The following PCNX1 variants were observed in gnomAD, a reference collection of about 807,000 sequenced individuals.
PCNX1 encodes the protein pecanex 1.
In PCNX1, 78 loss-of-function variants were observed where a neutral mutation model predicts 242.2. That is an observed-to-expected ratio of 0.32 (90% CI 0.27 to 0.39). PCNX1 has a LOEUF of 0.39. Ranked by LOEUF, PCNX1 falls within the 10% of genes least tolerant of loss-of-function variation. PCNX1 has a pLI of 1.00. For synonymous variants in PCNX1, 1,024 were observed against 1,032.9 expected (o/e 0.99, Z 0.17); for missense variants, 2,581 against 2,856.5 (o/e 0.90, Z 2.20).
rs1240578676 is a variant in PCNX1 at position 71,011,346 on chromosome 14, G to A, written c.2721-146G>A. On this transcript the variant is annotated intron_variant, in intron 9 of 35. Coordinates refer to ENST00000304743, the MANE Select transcript of PCNX1 (RefSeq NM_014982.3). ...ATGTAGTCACTGACCCAGAGTCTATGTGCTTATCACAACTCTAGGAAAATG... is the reference window on the plus strand; with the variant it reads ...ATGTAGTCACTGACCCAGAGTCTATATGCTTATCACAACTCTAGGAAAATG... The A allele has an allele frequency of 4.7e-6, 3 of 645,088 alleles. No homozygotes were observed. The South Asian group carries it at 5.3e-5, about 11-fold the overall frequency. 40.0% of individuals were successfully genotyped at this position (645,088 alleles called of 1,614,324 possible).
intron 19 of PCNX1, among the ~76,000 whole-genome samples, chr14:71,039,344 A>G (rs532584268): frequency 6.6e-6 from 1 of 152,304 alleles, no homozygotes; most frequent in African/African-American, 2.4e-5. Context: ...CATGATGCTA[A>G]AATCATCTGA....
At chr14:71,015,235 A>T (rs1335394360) in intron 11 of PCNX1, among the ~76,000 whole-genome samples, 1 of 152,250 alleles carries the variant, frequency 6.6e-6, no homozygotes, top group Non-Finnish European at 1.5e-5. Context: ...GTGATCTCAG[A>T]TGGAAATATA....
At chr14:70,951,626 C>T (rs192129884) in intron 2 of PCNX1, among the ~76,000 whole-genome samples, 9 of 152,222 alleles carry the variant, frequency 5.9e-5, no homozygotes, top group Admixed American at 1.3e-4. Context: ...CTGCCTGCCT[C>T]GGTCTCCTGA....
intron 6 of PCNX1, among the ~76,000 whole-genome samples, chr14:70,982,569 T>A (rs2140175525): frequency 6.6e-6 from 1 of 152,352 alleles, no homozygotes; most frequent in African/African-American, 2.4e-5. Context: ...AGATGTTCTT[T>A]ACTGTGAAAA....
chr14:70,951,914 A>G (rs1311330214), intron 2 of PCNX1, among the ~76,000 whole-genome samples: 1 of 152,100 alleles, frequency 6.6e-6, no homozygotes, highest in East Asian at 1.9e-4. Context: ...CATTTTTTAA[A>G]TGGTTTCTGT....
intron 26 of PCNX1, among the ~76,000 whole-genome samples, chr14:71,065,660 T>A (rs2061428109): frequency 6.6e-6 from 1 of 152,280 alleles, no homozygotes; most frequent in African/African-American, 2.4e-5. Flanking sequence ...TTGCCATTGC[T>A]GTTGGTGTTA....
Position 71,095,208 on chromosome 14 carries a change from C to T in PCNX1, c.5589+5866C>T, listed in dbSNP as rs370275638. On this transcript the variant is annotated intron_variant, in intron 30 of 35. Coordinates refer to ENST00000304743, the MANE Select transcript of PCNX1 (RefSeq NM_014982.3). The stretch of plus-strand genomic sequence containing the variant: ...TTTGAGGATTACATAGTTATTAGAA[C>T]TAAAATAAACCAATCAAAATCCAAA... Among the ~76,000 whole-genome samples, 549 of 152,168 alleles carry T rather than the reference C, an allele frequency of 3.6e-3. 1 individual carries two copies. Among genetic ancestry groups the T allele is most frequent in the African/African-American group, 0.013 (532 of 41,516 alleles).
chr14:70,960,852 G>A (rs1319090248), intron 2 of PCNX1, among the ~76,000 whole-genome samples: 64 of 151,960 alleles, frequency 4.2e-4, no homozygotes, highest in Non-Finnish European at 8.8e-5. Context: ...AAAATCACAA[G>A]CATTCTTATA....
In PCNX1 at chr14:70,978,555, G is replaced by A; in HGVS notation, c.2218G>A (p.Ala740Thr). 1 of 1,614,106 alleles carries A rather than the reference G, an allele frequency of 6.2e-7. No homozygotes were observed. Among genetic ancestry groups the A allele is most frequent in the Non-Finnish European group, 8.5e-7 (1 of 1,179,988 alleles). ...VLDELSLLGR[A>T]SQLETVTRSR... The stretch of plus-strand genomic sequence containing the variant: ...AGATGAGCTATCTTTATTAGGACGG[G>A]CTTCCCAGTTAGAGACAGTCACTCG... The change falls in exon 6 of 36, where the codon GCT (alanine) becomes ACT (threonine). Residue 740 changes from alanine (A) to threonine (T), a missense_variant. Ala to Thr is a moderately conservative substitution (Grantham distance 58). This residue lies in a region of PCNX1 where 1,204 missense variants were observed against 1,216.7 expected (regional missense o/e 0.99). Coordinates refer to ENST00000304743, the MANE Select transcript of PCNX1 (RefSeq NM_014982.3).
At chr14:71,003,927 T>G (rs1380721833) in intron 8 of PCNX1, among the ~76,000 whole-genome samples, 1 of 152,246 alleles carries the variant, frequency 6.6e-6, no homozygotes, top group Admixed American at 6.5e-5. Flanking sequence ...GAAAAAAGAC[T>G]TGTTCTAAAT....
chr14:70,996,571 ATATC>A (rs2059358965), intron 8 of PCNX1, among the ~76,000 whole-genome samples: 1 of 152,138 alleles, frequency 6.6e-6, no homozygotes. Flanking sequence ...ACCTACTCAG[ATATC>A]TGTCTTATGC....
intron 8 of PCNX1, among the ~76,000 whole-genome samples, chr14:71,006,719 A>G (rs1423569792): frequency 9.2e-5 from 14 of 152,184 alleles, no homozygotes; most frequent in Admixed American, 9.2e-4. Flanking sequence ...ATCTTCATAA[A>G]CCAATAGTAA....
At chr14:70,933,418 T>C (rs1326215819) in intron 1 of PCNX1, among the ~76,000 whole-genome samples, 1 of 152,240 alleles carries the variant, frequency 6.6e-6, no homozygotes, top group Non-Finnish European at 1.5e-5. Context: ...TATTTTTACA[T>C]TTTTAATGCT....
rs112807799 is a variant in PCNX1, at chr14:70,943,948, C to T, written c.154-2967C>T. Among the ~76,000 whole-genome samples the T allele has an allele frequency of 2.2e-4, 34 of 152,238 alleles. 3 individuals are homozygous for T. The highest frequency in any genetic ancestry group is 7.5e-4 in the African/African-American group (31 of 41,518). On this transcript the variant is annotated intron_variant, in intron 1 of 35. Coordinates refer to ENST00000304743, the MANE Select transcript of PCNX1 (RefSeq NM_014982.3). ...TGTTGGTCCTGTGGATGCACAGAAG[C>T]CAAGAATTGAGGTTTGGGAACCCTT... is the stretch of plus-strand genomic sequence containing the variant.
At chr14:71,021,001 C>T (rs56111655) in intron 12 of PCNX1, among the ~76,000 whole-genome samples, 4,762 of 152,178 alleles carry the variant, frequency 0.031, 219 homozygotes, top group African/African-American at 0.11. Context: ...TTCCCAACAC[C>T]ATTTATTAAA....
intron 24 of PCNX1, among the ~76,000 whole-genome samples, chr14:71,054,837 C>A (rs1419437754): frequency 6.6e-6 from 1 of 152,138 alleles, no homozygotes; most frequent in Non-Finnish European, 1.5e-5. Context: ...TTTATTGCTT[C>A]ATTAGGGACA....
chr14:70,979,679 A>G (rs2058779849), intron 6 of PCNX1, among the ~76,000 whole-genome samples: 1 of 152,120 alleles, frequency 6.6e-6, no homozygotes, highest in South Asian at 2.1e-4. Context: ...TACAAACATT[A>G]TGAAACATAT....
At chr14:70,950,056 T>G (rs1483786866) in intron 2 of PCNX1, among the ~76,000 whole-genome samples, 1 of 152,222 alleles carries the variant, frequency 6.6e-6, no homozygotes, top group Non-Finnish European at 1.5e-5. Flanking sequence ...GTGATATTTC[T>G]GTATATTTTC....
chr14:70,981,586 G>A (rs1014169108), intron 6 of PCNX1, among the ~76,000 whole-genome samples: 1 of 152,098 alleles, frequency 6.6e-6, no homozygotes, highest in African/African-American at 2.4e-5. Context: ...ATAATGGTTT[G>A]TGATTACTGA....
Sources: gnomAD v4.1 joint callset for allele counts (sites outside exome capture counted in the v4.1 genomes callset) on GRCh38, gnomAD v4.1.1 for gene constraint, gnomAD v4.1.1 regional missense constraint, MANE v1.5 for transcripts, NCBI Gene and HGNC (gene_info 2026-07-23, HGNC 2026-07-21) for gene names.